EPHA3: variants seen among roughly 807,000 people sequenced by gnomAD.
EPHA3 encodes EPH receptor A3, also known as ephrin type-A receptor 3.
In EPHA3, 42 loss-of-function variants were observed where a neutral mutation model predicts 107.1. The observed-to-expected ratio is 0.39, with a 90% CI of 0.31 to 0.51. EPHA3 has a LOEUF of 0.51. Among genes scored for constraint, EPHA3 ranks in the 20% least tolerant of loss-of-function variants. The pLI is 0.78. For synonymous variants in EPHA3, 461 were observed against 424.8 expected (o/e 1.09, Z -1.05); for missense variants, 1,183 against 1,211.2 (o/e 0.98, Z 0.35).
intron 2 of EPHA3, among the ~76,000 whole-genome samples, chr3:89,193,070 GTAAA>G (rs1199791560): frequency 1.3e-5 from 2 of 151,996 alleles, no homozygotes; most frequent in Admixed American, 6.6e-5. Context: ...TATCTGGATA[GTAAA>G]TAGAGGTATA....
intron 3 of EPHA3, among the ~76,000 whole-genome samples, chr3:89,304,657 C>T (rs923292244): frequency 1.3e-5 from 2 of 152,076 alleles, no homozygotes; most frequent in African/African-American, 2.4e-5. Flanking sequence ...TCACATATCC[C>T]TTCTTTATCT....
At chr3:89,318,636 T>C (rs1706967139) in intron 3 of EPHA3, among the ~76,000 whole-genome samples, 1 of 151,936 alleles carries the variant, frequency 6.6e-6, no homozygotes. Flanking sequence ...CATGTTTAAA[T>C]GCATTTCATT....
intron 2 of EPHA3, among the ~76,000 whole-genome samples, chr3:89,201,998 C>G (rs564151764): frequency 6.6e-6 from 1 of 152,224 alleles, no homozygotes; most frequent in South Asian, 2.1e-4. Context: ...ACTTTTTCTC[C>G]CTCTCTGTGT....
intron 2 of EPHA3, among the ~76,000 whole-genome samples, chr3:89,137,096 A>G (rs1186694633): frequency 6.6e-6 from 1 of 152,018 alleles, no homozygotes; most frequent in Admixed American, 6.6e-5. Flanking sequence ...ATTATACATT[A>G]AATGTGTTGA....
At chr3:89,175,664 A>G (rs982546896) in intron 2 of EPHA3, among the ~76,000 whole-genome samples, 5 of 152,190 alleles carry the variant, frequency 3.3e-5, no homozygotes, top group Non-Finnish European at 7.3e-5. Flanking sequence ...ATTAAATATT[A>G]GTAACTAACA....
intron 3 of EPHA3, among the ~76,000 whole-genome samples, chr3:89,333,744 C>T (rs1346797752): frequency 1.3e-5 from 2 of 151,822 alleles, no homozygotes; most frequent in South Asian, 4.2e-4. Context: ...TGGTGGCATG[C>T]GACTGTAGTC....
chr3:89,283,652 A>C (rs1004710630), intron 3 of EPHA3, among the ~76,000 whole-genome samples: 1 of 152,114 alleles, frequency 6.6e-6, no homozygotes, highest in Non-Finnish European at 1.5e-5. Flanking sequence ...TCAAAAAGAG[A>C]ACCCACTTCT....
chr3:89,230,853 CA>C (rs1407503295), intron 3 of EPHA3, among the ~76,000 whole-genome samples: 11 of 150,978 alleles, frequency 7.3e-5, no homozygotes, highest in African/African-American at 2.0e-4. Context: ...CACACACACA[CA>C]CACCTTTGCT....
At chr3:89,133,479 C>T (rs970171780) in intron 2 of EPHA3, among the ~76,000 whole-genome samples, 4 of 152,106 alleles carry the variant, frequency 2.6e-5, no homozygotes, top group Non-Finnish European at 5.9e-5. Flanking sequence ...ATCTGTGCTT[C>T]GGGATTCGAC....
chr3:89,317,811 CA>C (rs1341522020), intron 3 of EPHA3, among the ~76,000 whole-genome samples: 2 of 151,570 alleles, frequency 1.3e-5, no homozygotes, highest in Non-Finnish European at 3.0e-5. Context: ...TGTATTAGAT[CA>C]AAAATAATTC....
chr3:89,192,492 C>G (rs1404231366), intron 2 of EPHA3, among the ~76,000 whole-genome samples: 1 of 151,432 alleles, frequency 6.6e-6, no homozygotes, highest in African/African-American at 2.4e-5. Context: ...ATTTTATGTA[C>G]CAAAATATAT....
intron 1 of EPHA3, among the ~76,000 whole-genome samples, chr3:89,116,121 A>G (rs964670000): frequency 9.2e-5 from 14 of 152,182 alleles, no homozygotes; most frequent in African/African-American, 3.1e-4. Flanking sequence ...AGAGTAGATG[A>G]AAATATCTGT....
At chr3:89,377,617 C>G (rs190489030) in intron 5 of EPHA3, among the ~76,000 whole-genome samples, 16 of 152,232 alleles carry the variant, frequency 1.1e-4, no homozygotes, top group Admixed American at 5.9e-4. Context: ...TTGTAAACTT[C>G]AAGTTTGCTT....
chr3:89,202,094 A>T (rs1705980525), intron 2 of EPHA3, among the ~76,000 whole-genome samples: 1 of 151,968 alleles, frequency 6.6e-6, no homozygotes, highest in Non-Finnish European at 1.5e-5. Flanking sequence ...TCACATGATA[A>T]TCTTTCCTTT....
chr3:89,272,179 T>C (rs1159996948), intron 3 of EPHA3, among the ~76,000 whole-genome samples: 1 of 151,920 alleles, frequency 6.6e-6, no homozygotes, highest in Non-Finnish European at 1.5e-5. Flanking sequence ...TCAAAAGTTA[T>C]GCATGGATTT....
At chr3:89,256,795 A>C (rs1705297490) in intron 3 of EPHA3, among the ~76,000 whole-genome samples, 1 of 152,182 alleles carries the variant, frequency 6.6e-6, no homozygotes, top group Non-Finnish European at 1.5e-5. Flanking sequence ...TTTTATGAAG[A>C]AATCCATGGG....
intron 13 of EPHA3, among the ~76,000 whole-genome samples, chr3:89,448,134 CG>C (rs1415735021): frequency 1.3e-5 from 2 of 152,106 alleles, no homozygotes; most frequent in African/African-American, 4.8e-5. Context: ...TTCCACATTA[CG>C]GTGGCTTTCA....
chr3:89,200,657 G>A (rs1248512309), intron 2 of EPHA3, among the ~76,000 whole-genome samples: 1 of 152,090 alleles, frequency 6.6e-6, no homozygotes, highest in Admixed American at 6.5e-5. Context: ...AGTATGCCAG[G>A]GCCTTGAATA....
At chr3:89,320,671 T>C (rs1333243564) in intron 3 of EPHA3, among the ~76,000 whole-genome samples, 1 of 152,064 alleles carries the variant, frequency 6.6e-6, no homozygotes, top group Non-Finnish European at 1.5e-5. Flanking sequence ...TATGCCTATT[T>C]AGGATCTTGA....
Sources: allele counts gnomAD v4.1 joint callset (sites outside exome capture counted in the v4.1 genomes callset), GRCh38; gene constraint gnomAD v4.1.1; transcripts MANE v1.5; gene names NCBI Gene and HGNC (gene_info 2026-07-23, HGNC 2026-07-21).